Variants in DDX60L observed in about 807,000 individuals in gnomAD.
DDX60L encodes DExD/H-box 60 like.
DDX60L carries 191 observed loss-of-function variants against 211.6 expected under a neutral mutation model. That is an observed-to-expected ratio of 0.90 (90% confidence interval 0.80 to 1.02). The LOEUF is 1.02. Ranked by LOEUF, DDX60L falls within the 50% of genes least tolerant of loss-of-function variation. DDX60L has a pLI of 0.00. For missense variants in DDX60L, 2,007 were observed against 1,984.1 expected (o/e 1.01, Z -0.22); for synonymous variants, 706 against 694.1 (o/e 1.02, Z -0.27).
Position 168,472,442 on chromosome 4 carries a change from T to C in DDX60L, c.74+13A>G. 6.5e-7 allele frequency: 1 copy of C among 1,543,242 alleles called. No individual in the cohort carries two copies. ...ATAGTATAGCTCCTTCTTTTTTACT[T>C]CACAGTACTTACCCAGCTTTTGGCA... is the stretch of plus-strand genomic sequence containing the variant. On this transcript the variant is annotated intron_variant, in intron 3 of 37. Coordinates refer to ENST00000682922, the MANE Select transcript of DDX60L (RefSeq NM_001012967.3).
intron 2 of DDX60L, 30 bp downstream of exon 2, chr4:168,472,666 A>T (rs1487928276): frequency 6.2e-7 from 1 of 1,612,820 alleles, no homozygotes; most frequent in Admixed American, 1.7e-5. Context: ...GTTGCTTTAT[A>T]GGCTACAAAT....
intron 34 of DDX60L, among the ~76,000 whole-genome samples, chr4:168,375,081 C>T (rs1164032267): frequency 2.6e-5 from 4 of 152,168 alleles, no homozygotes; most frequent in Non-Finnish European, 5.9e-5. Flanking sequence ...AGTTTTCCAA[C>T]CTGAACAGAT....
intron 9 of DDX60L, among the ~76,000 whole-genome samples, chr4:168,445,491 T>C (rs1475057330): frequency 6.6e-6 from 1 of 152,054 alleles, no homozygotes; most frequent in African/African-American, 2.4e-5. Flanking sequence ...ACTATTCCAA[T>C]CAATAGAAAA....
At chr4:168,458,040 T>C in intron 5 of DDX60L, 32 bp from the exon 6 acceptor site, 1 of 1,265,366 alleles carries the variant, frequency 7.9e-7, no homozygotes, top group Non-Finnish European at 1.1e-6. Flanking sequence ...ATAAAATATC[T>C]TAAATAAAGT....
Position 168,384,721 on chromosome 4 carries a change from G to T in DDX60L, c.4007C>A (p.Ala1336Glu). 6.2e-7 allele frequency: 1 copy of T among 1,613,882 alleles called. No individual in the cohort carries two copies. Among genetic ancestry groups the T allele is most frequent in the East Asian group, 2.2e-5 (1 of 44,862 alleles). Residue 1336 changes from alanine to glutamate, a missense_variant, in exon 30 of 38, where the codon GCA (alanine) becomes GAA (glutamate). Physicochemically the swap from Ala to Glu is moderately radical, Grantham distance 107 (BLOSUM62 -1). Transcript: ENST00000682922. ...IPLPKIKRLL[A>E]SSVPELRGQF... Reference sequence around the variant, plus strand: ...TCCTCTCAGCTCAGGAACACTGGATGCAAGGAGTCTTTTTATTTTGGGCAA... The same window carrying T: ...TCCTCTCAGCTCAGGAACACTGGATTCAAGGAGTCTTTTTATTTTGGGCAA...
At chr4:168,385,614 G>T (rs1743731691) in intron 29 of DDX60L, among the ~76,000 whole-genome samples, 1 of 152,102 alleles carries the variant, frequency 6.6e-6, no homozygotes, top group Non-Finnish European at 1.5e-5. Context: ...CCCTCAATGT[G>T]TGGAATCCGA....
chr4:168,371,653 G>C lies in DDX60L; in HGVS notation c.4887C>G (p.Phe1629Leu). 1 of 1,585,370 alleles carries C rather than the reference G, an allele frequency of 6.3e-7. No individual in the cohort carries two copies. Among genetic ancestry groups the C allele is most frequent in the East Asian group, 2.3e-5 (1 of 43,414 alleles). ...ATCTTGTCAAGCAGTTGTGTTTATA[G>C]AAATTGAGCACATATGCATTTAGTG... ...RMPLNAYVLN[F>L]YKHNCLTRLD... Residue 1629 changes from phenylalanine to leucine, a missense_variant, in exon 36 of 38, where the codon TTC (phenylalanine) becomes TTG (leucine). Coordinates refer to ENST00000682922, the MANE Select transcript of DDX60L (RefSeq NM_001012967.3).
chr4:168,471,224 T>G (rs949258838), intron 4 of DDX60L, among the ~76,000 whole-genome samples: 3 of 152,210 alleles, frequency 2.0e-5, no homozygotes, highest in African/African-American at 7.2e-5. Flanking sequence ...TTTTGAAACG[T>G]ACCCCCAAAA....
chr4:168,451,309 A>G (rs564005644), intron 8 of DDX60L, among the ~76,000 whole-genome samples: 39 of 152,294 alleles, frequency 2.6e-4, no homozygotes, highest in Non-Finnish European at 4.4e-4. Context: ...TGCCTTTTAC[A>G]TATTTCCTTT....
Position 168,448,695 on chromosome 4 carries a change from A to G in DDX60L, c.1081T>C (p.Tyr361His). The G allele has an allele frequency of 1.2e-6, 2 of 1,601,574 alleles. No individual in the cohort carries two copies. Among genetic ancestry groups the G allele is most frequent in the Non-Finnish European group, 1.7e-6 (2 of 1,170,224 alleles). The part of the protein sequence containing the change: ...NLNLNHVSDL[Y>H]DEQLLKNIAF... ...ATATTCTTTAACAATTGCTCATCAT[A>G]CAAGTCAGAAACATGATTTAAATTC... The change falls in exon 9 of 38, where the codon TAT (tyrosine) becomes CAT (histidine). Residue 361 changes from tyrosine to histidine, a missense_variant. Tyr to His is a moderately conservative substitution (Grantham distance 83). Coordinates refer to ENST00000682922, the MANE Select transcript of DDX60L (RefSeq NM_001012967.3).
chr4:168,422,180 A>C (rs1436558690), intron 16 of DDX60L, among the ~76,000 whole-genome samples: 1 of 152,254 alleles, frequency 6.6e-6, no homozygotes, highest in Non-Finnish European at 1.5e-5. Context: ...AGGGAGACTG[A>C]GTAAAACATA....
intron 26 of DDX60L, among the ~76,000 whole-genome samples, chr4:168,399,439 G>C (rs1332271016): frequency 6.6e-6 from 1 of 152,218 alleles, no homozygotes. Flanking sequence ...TGGTGCCCGT[G>C]ACAGTGCCTG....
At chr4:168,393,534 T>C (rs902477547) in intron 28 of DDX60L, among the ~76,000 whole-genome samples, 12 of 152,076 alleles carry the variant, frequency 7.9e-5, no homozygotes, top group African/African-American at 2.9e-4. Flanking sequence ...CTGAATAGTG[T>C]AACGGCTACC....
In DDX60L at chr4:168,472,536, G is replaced by A; in HGVS notation, c.5-12C>T. On this transcript the variant is annotated splice_polypyrimidine_tract_variant and intron_variant, in intron 2 of 37. Transcript: ENST00000682922. ...ATGATCCTTTGACCCTAAAAATAAG[G>A]AGATTTTTTGAGCCATCAATATTTT... The A allele has an allele frequency of 1.9e-6, 3 of 1,577,802 alleles. No individual in the cohort carries two copies. The highest frequency in any genetic ancestry group is 1.7e-6 in the Non-Finnish European group (2 of 1,159,764).
chr4:168,432,380 T>C (rs935893350), intron 12 of DDX60L, 75 bp downstream of exon 12: 7 of 577,268 alleles, frequency 1.2e-5, no homozygotes, highest in African/African-American at 5.9e-5. Flanking sequence ...CAATGTAATA[T>C]CTTTTCACTG....
At position 168,461,786 on chromosome 4, in the gene DDX60L, CACA is replaced by C. The variant is rs753886741; in HGVS notation, c.516_518del (p.Val173del). On this transcript the variant is annotated inframe_deletion, in exon 5 of 38. Coordinates refer to ENST00000682922, the MANE Select transcript of DDX60L (RefSeq NM_001012967.3). Reference sequence around the variant, plus strand: ...TATCAGATTCATGCCCTGATGAAAGCACAACATTGACTTTCATTCCCCAGGAAT... The same window carrying C: ...TATCAGATTCATGCCCTGATGAAAGCACATTGACTTTCATTCCCCAGGAAT... 6.2e-6 allele frequency: 10 copies of C among 1,604,644 alleles called. No individual in the cohort carries two copies. Among genetic ancestry groups the C allele is most frequent in the South Asian group, 4.5e-5 (4 of 89,586 alleles).
At position 168,373,912 on chromosome 4, in the gene DDX60L, A is replaced by G. The variant is rs1579221332; in HGVS notation, c.4634-104T>C. ...AGCCACAGTAGGTGACATTCATCTC[A>G]TCAGAATGAAAACTGATTGAGATAT... On this transcript the variant is annotated intron_variant, in intron 34 of 37. Coordinates refer to ENST00000682922, the MANE Select transcript of DDX60L (RefSeq NM_001012967.3). 4 of 1,163,144 alleles carry G rather than the reference A, an allele frequency of 3.4e-6. No homozygotes were observed. In the East Asian group the frequency reaches 9.6e-5, roughly 28 times the overall value. The allele number at this position is 1,163,144 out of a possible 1,614,324, so 72.1% of individuals were successfully genotyped here.
At chr4:168,412,510 G>A (rs6552750) in intron 22 of DDX60L, among the ~76,000 whole-genome samples, 17,991 of 151,422 alleles carry the variant, frequency 0.12, 1,314 homozygotes, top group Admixed American at 0.15. Flanking sequence ...TCTACTTGTG[G>A]GAAAAAAAAA....
At chr4:168,452,890 A>C (rs929294067) in intron 8 of DDX60L, among the ~76,000 whole-genome samples, 1 of 152,208 alleles carries the variant, frequency 6.6e-6, no homozygotes, top group African/African-American at 2.4e-5. Flanking sequence ...TTGATTATAC[A>C]AAAACAAGAT....
Sources: allele counts gnomAD v4.1 joint callset (sites outside exome capture counted in the v4.1 genomes callset), GRCh38; gene constraint gnomAD v4.1.1; transcripts MANE v1.5; gene names NCBI Gene and HGNC (gene_info 2026-07-23, HGNC 2026-07-21).